SEMA3D: variants seen among roughly 807,000 people sequenced by gnomAD.
SEMA3D encodes the protein semaphorin-3D.
Under a neutral mutation model 100.1 loss-of-function variants are expected in SEMA3D, and 84 were observed. The ratio of observed to expected loss-of-function variants is 0.84; its 90% CI spans 0.70 to 1.01. The LOEUF is 1.01. Among genes scored for constraint, SEMA3D ranks in the 50% least tolerant of loss-of-function variants. The probability of loss-of-function intolerance (pLI) is 0.00; values close to 1 mark genes in which losing one functional copy is unlikely to be tolerated. For synonymous variants in SEMA3D, 312 were observed against 320.7 expected (o/e 0.97, Z 0.29); for missense variants, 875 against 934.1 (o/e 0.94, Z 0.82).
chr7:85,101,104 T>C (rs945933149), intron 3 of SEMA3D, among the ~76,000 whole-genome samples: 1 of 152,082 alleles, frequency 6.6e-6, no homozygotes, highest in African/African-American at 2.4e-5. Flanking sequence ...CTGAGAAGAA[T>C]GGAACCAAGA....
the SEMA3D span, among the ~76,000 whole-genome samples, chr7:85,226,223 ACT>A: frequency 2.0e-5 from 3 of 151,930 alleles, no homozygotes; most frequent in Non-Finnish European, 4.4e-5. Flanking sequence ...TTAAAAAAAA[ACT>A]CTTTTTTTCT....
At chr7:85,028,845 C>A in intron 12 of SEMA3D, 1 of 238,640 alleles carries the variant, frequency 4.2e-6, no homozygotes, top group South Asian at 6.6e-5. Flanking sequence ...GGTTGGTGGT[C>A]CTAATTGTAT....
chr7:85,158,732 G>A (rs1470919536), intron 1 of SEMA3D, among the ~76,000 whole-genome samples: 3 of 151,964 alleles, frequency 2.0e-5, no homozygotes, highest in South Asian at 2.1e-4. Flanking sequence ...GGGGCATCAC[G>A]GAACCTGCCC....
intron 18 of SEMA3D, among the ~76,000 whole-genome samples, chr7:85,005,716 T>A (rs1789777389): frequency 6.6e-6 from 1 of 151,930 alleles, no homozygotes; most frequent in South Asian, 2.1e-4. Context: ...ATTGTAGGAT[T>A]TTTAGAATCA....
rs1284276327 is a variant in SEMA3D, at chr7:85,180,087, T to C, written c.-173+6591A>G. Among the ~76,000 whole-genome samples the C allele has an allele frequency of 2.0e-5, 3 of 152,206 alleles. No homozygotes were observed. In the East Asian group the frequency reaches 5.8e-4, roughly 29 times the overall value. Reference sequence around the variant, plus strand: ...AGGGGTCAGGGTCAGAATGATATGATTTGGCTCTGTGTCCCCACCTAAATC... The same window carrying C: ...AGGGGTCAGGGTCAGAATGATATGACTTGGCTCTGTGTCCCCACCTAAATC... On this transcript the variant is annotated intron_variant, in intron 1 of 18. Transcript: ENST00000284136.
the SEMA3D span, among the ~76,000 whole-genome samples, chr7:85,249,221 T>C: frequency 6.6e-6 from 1 of 152,202 alleles, no homozygotes; most frequent in African/African-American, 2.4e-5. Flanking sequence ...ACTTTACTGC[T>C]GTGTTCTTCC....
chr7:85,031,144 C>G (rs1045014805), intron 12 of SEMA3D, among the ~76,000 whole-genome samples: 1 of 151,930 alleles, frequency 6.6e-6, no homozygotes, highest in Non-Finnish European at 1.5e-5. Flanking sequence ...CAAAGAAGTA[C>G]AGCATTCTGT....
chr7:85,052,797 AT>A (rs1791203714), intron 9 of SEMA3D, among the ~76,000 whole-genome samples: 1 of 151,986 alleles, frequency 6.6e-6, no homozygotes. Flanking sequence ...AAATTATTTC[AT>A]ATTTTGTTGC....
At chr7:85,141,557 A>G in intron 2 of SEMA3D, 1 of 984,812 alleles carries the variant, frequency 1.0e-6, no homozygotes, top group East Asian at 1.1e-4. Flanking sequence ...GATAGTCTTA[A>G]CTATTACTGA....
the SEMA3D span, among the ~76,000 whole-genome samples, chr7:85,207,584 G>T: frequency 1.3e-5 from 2 of 151,978 alleles, no homozygotes; most frequent in African/African-American, 2.4e-5. Context: ...TAAGACCTGG[G>T]TGAAAATTCA....
At chr7:85,082,563 T>C (rs1189607697) in intron 4 of SEMA3D, among the ~76,000 whole-genome samples, 1 of 152,144 alleles carries the variant, frequency 6.6e-6, no homozygotes, top group Non-Finnish European at 1.5e-5. Flanking sequence ...TTTTATTATG[T>C]TTCTCACCAA....
At chr7:85,086,633 T>TCTCC (rs1322704449) in intron 4 of SEMA3D, among the ~76,000 whole-genome samples, 3 of 107,770 alleles carry the variant, frequency 2.8e-5, no homozygotes, top group African/African-American at 1.3e-4. Flanking sequence ...TCTCTCTCCG[T>TCTCC]GTGTGTGTGT....
At position 84,998,804 on chromosome 7, in the gene SEMA3D, T is replaced by A. The variant is rs1311188415; in HGVS notation, c.*636A>T. 6.6e-6 allele frequency: 1 copy of A among 152,572 alleles called. No individual in the cohort carries two copies. The highest frequency in any genetic ancestry group is 2.1e-4 in the South Asian group (1 of 4,854). The allele number at this position is 152,572 out of a possible 1,614,324, so 9.5% of individuals were successfully genotyped here. A position where few individuals can be genotyped will look rare whatever the true frequency, so the allele number is the denominator to read the frequency against. ...GAACCTGTTACTCCTGACTAGTCAA[T>A]AGAAATCCTGGGGGAAACATTAGTG... On this transcript the variant is annotated 3_prime_UTR_variant, in exon 19 of 19. Transcript: ENST00000284136.
chr7:85,170,329 C>G (rs1401671865), intron 1 of SEMA3D, among the ~76,000 whole-genome samples: 1 of 151,860 alleles, frequency 6.6e-6, no homozygotes, highest in Non-Finnish European at 1.5e-5. Context: ...GAAAAAAGAT[C>G]ATGAGGTATT....
chr7:85,110,950 T>G (rs772470754), intron 3 of SEMA3D, among the ~76,000 whole-genome samples: 2 of 152,186 alleles, frequency 1.3e-5, no homozygotes, highest in Non-Finnish European at 2.9e-5. Flanking sequence ...CAGTGAGGTC[T>G]GTTAAATTTA....
chr7:85,131,957 A>T (rs1481785606), intron 2 of SEMA3D, among the ~76,000 whole-genome samples: 1 of 151,856 alleles, frequency 6.6e-6, no homozygotes, highest in Non-Finnish European at 1.5e-5. Context: ...GCCACTTAGG[A>T]ACCTCACATA....
At chr7:85,004,519 G>A (rs1789740782) in intron 18 of SEMA3D, among the ~76,000 whole-genome samples, 1 of 152,058 alleles carries the variant, frequency 6.6e-6, no homozygotes, top group Admixed American at 6.6e-5. Flanking sequence ...AGTTTTATAA[G>A]AAAGTCAGCA....
At chr7:85,096,902 A>C (rs900086539) in intron 4 of SEMA3D, among the ~76,000 whole-genome samples, 3 of 151,910 alleles carry the variant, frequency 2.0e-5, no homozygotes, top group Non-Finnish European at 4.4e-5. Context: ...TTGAAGAAGA[A>C]GAACTCAATA....
intron 2 of SEMA3D, among the ~76,000 whole-genome samples, chr7:85,135,508 G>C (rs1420910983): frequency 6.6e-6 from 1 of 151,878 alleles, no homozygotes; most frequent in Non-Finnish European, 1.5e-5. Flanking sequence ...CCTGTCGTGA[G>C]GTGGGGGTAG....
Sources: gnomAD v4.1 joint callset for allele counts (sites outside exome capture counted in the v4.1 genomes callset) on GRCh38, gnomAD v4.1.1 for gene constraint, MANE v1.5 for transcripts, NCBI Gene and HGNC (gene_info 2026-07-23, HGNC 2026-07-21) for gene names.